The following CDS1 variants were observed in gnomAD, a reference collection of about 807,000 sequenced individuals.
The protein encoded by CDS1 is phosphatidate cytidylyltransferase 1.
Under a neutral mutation model 62.1 loss-of-function variants are expected in CDS1, and 41 were observed. The ratio of observed to expected loss-of-function variants is 0.66; its 90% CI spans 0.51 to 0.86. The LOEUF is 0.86. CDS1 is among the 40% of genes least tolerant of loss of function. The pLI is 0.00. For missense variants in CDS1, 470 were observed against 550.1 expected (o/e 0.85, Z 1.46); for synonymous variants, 185 against 192.6 (o/e 0.96, Z 0.32).
chr4:84,639,242 A>C (rs1441009181), intron 9 of CDS1, among the ~76,000 whole-genome samples: 1 of 152,202 alleles, frequency 6.6e-6, no homozygotes, highest in Admixed American at 6.5e-5. Flanking sequence ...AGGTAATTCT[A>C]ATGGCCATCC....
At chr4:84,635,969 C>A (rs556517588) in intron 8 of CDS1, among the ~76,000 whole-genome samples, 71 of 151,872 alleles carry the variant, frequency 4.7e-4, no homozygotes, top group Non-Finnish European at 8.8e-4. Context: ...GTTGTTCAGG[C>A]TTGTCCCAAA....
intron 2 of CDS1, among the ~76,000 whole-genome samples, chr4:84,604,958 T>C (rs1168102152): frequency 6.6e-6 from 1 of 152,164 alleles, no homozygotes; most frequent in Non-Finnish European, 1.5e-5. Flanking sequence ...GATTATTGTC[T>C]AAAACTCCAC....
At chr4:84,596,126 G>T (rs1179320228) in intron 1 of CDS1, among the ~76,000 whole-genome samples, 1 of 152,138 alleles carries the variant, frequency 6.6e-6, no homozygotes, top group African/African-American at 2.4e-5. Context: ...CCAAGCTCCT[G>T]GTTGCAGGAA....
At chr4:84,604,101 A>G in intron 1 of CDS1, 142 bp from the exon 2 acceptor site, 1 of 669,034 alleles carries the variant, frequency 1.5e-6, no homozygotes, top group Non-Finnish European at 2.5e-6. Context: ...TAGCAGTGCT[A>G]AGATTTTCAA....
rs1192682570 is a variant in CDS1 at position 84,650,016 on chromosome 4, GC to G, written c.*1333del. ...AATCAGCACTAAACCTTCAAAAATT[GC>G]CCAGTGTTCCTAGTTAAATGTTCAG... On this transcript the variant is annotated 3_prime_UTR_variant, in exon 13 of 13. Transcript: ENST00000295887. 1 of 152,098 alleles carries G rather than the reference GC, an allele frequency of 6.6e-6. No homozygotes were observed. The highest frequency in any genetic ancestry group is 2.4e-5 in the African/African-American group (1 of 41,424). The allele number at this position is 152,098 out of a possible 1,614,324, so 9.4% of individuals were successfully genotyped here. A position where few individuals can be genotyped will look rare whatever the true frequency, so the allele number is the denominator to read the frequency against.
chr4:84,635,700 C>CCCTCCT (rs1553905983), intron 8 of CDS1, among the ~76,000 whole-genome samples: 1 of 115,684 alleles, frequency 8.6e-6, no homozygotes, highest in Non-Finnish European at 1.8e-5. Context: ...CCCTCCTTCC[C>CCCTCCT]TCCCTCCCTC....
chr4:84,642,420 T>A (rs975204486), intron 10 of CDS1, among the ~76,000 whole-genome samples: 1 of 152,152 alleles, frequency 6.6e-6, no homozygotes, highest in Admixed American at 6.6e-5. Flanking sequence ...TTCAGATTAT[T>A]TAAAAAGGAG....
chr4:84,589,772 G>A (rs750996888), intron 1 of CDS1, among the ~76,000 whole-genome samples: 6 of 152,134 alleles, frequency 3.9e-5, no homozygotes, highest in Admixed American at 2.0e-4. Context: ...AAGTTGTAAC[G>A]TATTTGAGAA....
intron 2 of CDS1, among the ~76,000 whole-genome samples, chr4:84,606,579 C>T (rs1723101618): frequency 6.6e-6 from 1 of 152,178 alleles, no homozygotes; most frequent in South Asian, 2.1e-4. Context: ...AATACCTCTA[C>T]ATTAAACATT....
At chr4:84,617,815 C>T (rs967543306) in intron 4 of CDS1, among the ~76,000 whole-genome samples, 154 bp downstream of exon 4, 1 of 152,074 alleles carries the variant, frequency 6.6e-6, no homozygotes, top group African/African-American at 2.4e-5. Flanking sequence ...TTGAAAAGAT[C>T]ACCTTTGTCT....
intron 1 of CDS1, among the ~76,000 whole-genome samples, chr4:84,584,982 A>G (rs1722371627): frequency 6.6e-6 from 1 of 152,250 alleles, no homozygotes; most frequent in South Asian, 2.1e-4. Flanking sequence ...ATAGTTTAGC[A>G]TCAAGGAAAT....
At chr4:84,619,244 GA>G (rs1423837953) in intron 4 of CDS1, 149 bp from the exon 5 acceptor site, 1 of 438,108 alleles carries the variant, frequency 2.3e-6, no homozygotes, top group Non-Finnish European at 4.0e-6. Flanking sequence ...TTTAAAACAG[GA>G]AAATAGCATT....
chr4:84,622,710 ACAG>A (rs1324123490), intron 5 of CDS1, among the ~76,000 whole-genome samples: 1 of 152,204 alleles, frequency 6.6e-6, no homozygotes, highest in Non-Finnish European at 1.5e-5. Flanking sequence ...TATGATGTAA[ACAG>A]CAACCCTGCA....
intron 3 of CDS1, among the ~76,000 whole-genome samples, chr4:84,617,317 C>T (rs1010686520): frequency 2.0e-5 from 3 of 152,178 alleles, no homozygotes; most frequent in Admixed American, 6.5e-5. Flanking sequence ...CTTTAAACTC[C>T]ATTGCCATTC....
At chr4:84,624,135 G>A (rs980565014) in intron 5 of CDS1, among the ~76,000 whole-genome samples, 6 of 151,616 alleles carry the variant, frequency 4.0e-5, no homozygotes, top group Non-Finnish European at 8.8e-5. Context: ...TTAGCTGGGC[G>A]TGGTGGTGGG....
At position 84,644,881 on chromosome 4, in the gene CDS1, A is replaced by G. The variant is rs144492185; in HGVS notation, c.1153-341A>G. 5.3e-3 allele frequency among the ~76,000 whole-genome samples: 803 copies of G among 152,320 alleles called. 8 individuals are homozygous for G. The highest frequency in any genetic ancestry group is 0.018 in the African/African-American group (766 of 41,566). On this transcript the variant is annotated intron_variant, in intron 11 of 12. Transcript: ENST00000295887. ...TAGCTCCCCAAACAGCTTGTGGTTA[A>G]AAAGAAAGCTAGGCTGTAACAAAAT...
At chr4:84,634,685 G>T (rs181994306) in intron 7 of CDS1, among the ~76,000 whole-genome samples, 2 of 152,140 alleles carry the variant, frequency 1.3e-5, no homozygotes, top group African/African-American at 4.8e-5. Flanking sequence ...GTGTATGTGC[G>T]TGTGTAAAGT....
intron 8 of CDS1, among the ~76,000 whole-genome samples, chr4:84,638,549 T>A (rs1724283999): frequency 6.6e-6 from 1 of 152,164 alleles, no homozygotes; most frequent in Non-Finnish European, 1.5e-5. Flanking sequence ...TACGTCTCAT[T>A]CTTATTCCAA....
chr4:84,644,761 A>C (rs1398869307), intron 11 of CDS1, among the ~76,000 whole-genome samples: 1 of 152,200 alleles, frequency 6.6e-6, no homozygotes, highest in Non-Finnish European at 1.5e-5. Flanking sequence ...AAGAAGAAGA[A>C]ATGTTTATCA....
Sources: gnomAD v4.1 joint callset for allele counts (sites outside exome capture counted in the v4.1 genomes callset) on GRCh38, gnomAD v4.1.1 for gene constraint, MANE v1.5 for transcripts, NCBI Gene and HGNC (gene_info 2026-07-23, HGNC 2026-07-21) for gene names.